Variants in SULT1E1 observed in about 807,000 individuals in gnomAD.
The protein encoded by SULT1E1 is sulfotransferase 1E1.
In SULT1E1, 36 loss-of-function variants were observed where a neutral mutation model predicts 33.6. That is an observed-to-expected ratio of 1.07 (90% CI 0.82 to 1.41). The LOEUF (loss-of-function observed/expected upper bound fraction) is 1.41. Ranked by LOEUF, SULT1E1 falls within the 40% of genes most tolerant of loss-of-function variation. The pLI is 0.00. For missense variants in SULT1E1, 371 were observed against 345.7 expected (o/e 1.07, Z -0.58); for synonymous variants, 121 against 111.7 (o/e 1.08, Z -0.53).
At chr4:69,836,019 A>C in the SULT1E1 span, among the ~76,000 whole-genome samples, 1 of 152,242 alleles carries the variant, frequency 6.6e-6, no homozygotes, top group Admixed American at 6.5e-5. Flanking sequence ...ATTTCATAAA[A>C]GGAATGATTT....
At position 69,844,258 on chromosome 4, in the gene SULT1E1, A is replaced by G; in HGVS notation, c.675T>C (p.His225=). Residue 225 remains histidine, a synonymous_variant, in exon 7 of 8, where the codon CAT becomes CAC. Transcript: ENST00000226444. ...SEELVDRIIH[H]TSFQEMKNNP... Reference sequence around the variant, plus strand: ...TGTTCTTCATCTCTTGGAACGAAGTATGATGTATAATCCTGTCCACAAGCT... The same window carrying G: ...TGTTCTTCATCTCTTGGAACGAAGTGTGATGTATAATCCTGTCCACAAGCT... The G allele has an allele frequency of 1.2e-6, 2 of 1,613,872 alleles. No individual in the cohort carries two copies. Among genetic ancestry groups the G allele is most frequent in the Non-Finnish European group, 1.7e-6 (2 of 1,179,804 alleles).
the SULT1E1 span, among the ~76,000 whole-genome samples, chr4:69,833,401 T>G: frequency 6.6e-6 from 1 of 152,354 alleles, no homozygotes; most frequent in East Asian, 1.9e-4. Flanking sequence ...TGTAATTTCC[T>G]AATAACAGAC....
intron 4 of SULT1E1, 139 bp from the exon 5 acceptor site, chr4:69,849,702 A>G: frequency 1.4e-6 from 1 of 729,402 alleles, no homozygotes; most frequent in Non-Finnish European, 2.1e-6. Flanking sequence ...GACATGTACA[A>G]TTATTTATAA....
At chr4:69,834,843 A>G in the SULT1E1 span, among the ~76,000 whole-genome samples, 2 of 152,100 alleles carry the variant, frequency 1.3e-5, no homozygotes, top group Admixed American at 6.6e-5. Flanking sequence ...AGTCACAGGG[A>G]AAATCGCTGT....
chr4:69,844,937 A>C (rs1720944695), intron 6 of SULT1E1, among the ~76,000 whole-genome samples: 1 of 152,068 alleles, frequency 6.6e-6, no homozygotes, highest in South Asian at 2.1e-4. Flanking sequence ...TCAAGTGCAC[A>C]TTTCTCTCTA....
At chr4:69,848,265 A>G (rs1721022418) in intron 5 of SULT1E1, among the ~76,000 whole-genome samples, 1 of 151,810 alleles carries the variant, frequency 6.6e-6, no homozygotes, top group African/African-American at 2.4e-5. Flanking sequence ...TTATTACACT[A>G]TTAGTTTACA....
rs1390191954 is a variant in SULT1E1, at chr4:69,854,246, G to C, written c.340C>G (p.Pro114Ala). 2 of 1,612,004 alleles carry C rather than the reference G, an allele frequency of 1.2e-6. No homozygotes were observed. The highest frequency in any genetic ancestry group is 1.7e-6 in the Non-Finnish European group (2 of 1,178,780). ...VKTHLPPELL[P>A]ASFWEKDCKI... ...CAATCCTTTTCCCAAAATGAGGCAG[G>C]AAGAAGTTCAGGTGGCAAATGAGTC... The change falls in exon 4 of 8, where the codon CCT becomes GCT. Residue 114 changes from proline (P) to alanine (A), a missense_variant. Pro to Ala is a conservative substitution (Grantham distance 27). Coordinates refer to ENST00000226444, the MANE Select transcript of SULT1E1 (RefSeq NM_005420.3).
intron 7 of SULT1E1, 130 bp from the exon 8 acceptor site, chr4:69,842,236 T>C: frequency 1.7e-6 from 1 of 603,216 alleles, no homozygotes; most frequent in African/African-American, 1.9e-5. Context: ...AAGAATCAAA[T>C]GTATACCTTT....
At chr4:69,855,112 A>G (rs1206658706) in intron 3 of SULT1E1, among the ~76,000 whole-genome samples, 189 bp downstream of exon 3, 2 of 152,052 alleles carry the variant, frequency 1.3e-5, no homozygotes, top group Non-Finnish European at 2.9e-5. Context: ...TCTATTCCAG[A>G]CATATGCTGT....
chr4:69,859,781 C>T (rs1221687192), intron 1 of SULT1E1, among the ~76,000 whole-genome samples: 2 of 152,080 alleles, frequency 1.3e-5, no homozygotes, highest in African/African-American at 4.8e-5. Context: ...ACACGTCCAG[C>T]ATTCAGCACT....
the SULT1E1 span, among the ~76,000 whole-genome samples, chr4:69,830,076 C>A: frequency 6.6e-6 from 1 of 152,298 alleles, no homozygotes; most frequent in Non-Finnish European, 1.5e-5. Context: ...TTCCAGTGTC[C>A]TTTCCTTTTT....
At position 69,849,418 on chromosome 4, in the gene SULT1E1, G is replaced by T; in HGVS notation, c.496+19C>A. The T allele has an allele frequency of 3.7e-6, 6 of 1,606,116 alleles. No homozygotes were observed. Among genetic ancestry groups the T allele is most frequent in the Non-Finnish European group, 5.1e-6 (6 of 1,175,550 alleles). On this transcript the variant is annotated intron_variant, in intron 5 of 7. Transcript: ENST00000226444. Reference sequence around the variant, plus strand: ...ATAAAACCTTGAAAAAAAATTCAGTGTAAAGAAGCTGTTCCTACCCTGTCC... The same window carrying T: ...ATAAAACCTTGAAAAAAAATTCAGTTTAAAGAAGCTGTTCCTACCCTGTCC...
At chr4:69,852,404 T>C (rs1385208157) in intron 4 of SULT1E1, among the ~76,000 whole-genome samples, 1 of 152,196 alleles carries the variant, frequency 6.6e-6, no homozygotes, top group African/African-American at 2.4e-5. Flanking sequence ...AAATACTGAA[T>C]CTTGCCTTCA....
chr4:69,857,408 G>A (rs1721264236), intron 2 of SULT1E1, 92 bp downstream of exon 2: 1 of 1,436,694 alleles, frequency 7.0e-7, no homozygotes, highest in Admixed American at 2.5e-5. Flanking sequence ...TTAATATAGA[G>A]AATGAGTGTG....
chr4:69,821,384 TA>T, the SULT1E1 span, among the ~76,000 whole-genome samples: 2 of 152,166 alleles, frequency 1.3e-5, no homozygotes, highest in Non-Finnish European at 2.9e-5. Flanking sequence ...CTATACCTTA[TA>T]AAAAATCTTA....
chr4:69,855,343 G>A lies in SULT1E1; in HGVS notation c.229C>T (p.Arg77Ter), dbSNP rs143726522. Residue 77 changes from arginine to a stop codon, truncating the protein, a stop_gained, in exon 3 of 8, where the codon CGA (arginine) becomes TGA (stop). Transcript: ENST00000226444. LOFTEE classifies it high-confidence loss of function. ...TTTCTGCATTCCAGGAAAGGTATTC[G>A]ATTAAAAATTACATCTTCTTTGCAC... ...EKCKEDVIFN[R>*]IPFLECRKEN... 43 of 1,612,928 alleles carry A rather than the reference G, an allele frequency of 2.7e-5. No homozygotes were observed. Among genetic ancestry groups the A allele is most frequent in the Middle Eastern group, 3.3e-4 (2 of 6,056 alleles).
downstream of SULT1E1, among the ~76,000 whole-genome samples, chr4:69,836,870 C>T (rs1720805624): frequency 7.7e-6 from 1 of 129,316 alleles, no homozygotes; most frequent in South Asian, 2.3e-4. Flanking sequence ...TAGACAATAT[C>T]TAACTGTTAT....
chr4:69,856,900 C>T (rs1440612795), intron 2 of SULT1E1, among the ~76,000 whole-genome samples: 1 of 129,814 alleles, frequency 7.7e-6, no homozygotes, highest in Non-Finnish European at 1.6e-5. Flanking sequence ...CGCGCCACTG[C>T]ACTCCAGCCT....
intron 7 of SULT1E1, among the ~76,000 whole-genome samples, chr4:69,843,897 C>T (rs1456032313): frequency 6.6e-6 from 1 of 152,112 alleles, no homozygotes; most frequent in Non-Finnish European, 1.5e-5. Flanking sequence ...TAAATTACAG[C>T]TAGTAGAGTG....
Sources: allele counts gnomAD v4.1 joint callset (sites outside exome capture counted in the v4.1 genomes callset), GRCh38; gene constraint gnomAD v4.1.1; transcripts MANE v1.5; gene names NCBI Gene and HGNC (gene_info 2026-07-23, HGNC 2026-07-21).